The following ZYG11B variants were observed in gnomAD, a reference collection of about 807,000 sequenced individuals.
ZYG11B encodes the protein zyg-11 family member B, cell cycle regulator.
Under a neutral mutation model 82.4 loss-of-function variants are expected in ZYG11B, and 36 were observed. That is an observed-to-expected ratio of 0.44 (90% CI 0.33 to 0.58). ZYG11B has a LOEUF of 0.58. ZYG11B is among the 20% of genes least tolerant of loss of function. The pLI is 0.02. For missense variants in ZYG11B, 552 were observed against 895.6 expected (o/e 0.62, Z 4.90); for synonymous variants, 303 against 312.8 (o/e 0.97, Z 0.33).
chr1:52,774,845 C>G (rs1435509668), intron 3 of ZYG11B, among the ~76,000 whole-genome samples: 1 of 152,038 alleles, frequency 6.6e-6, no homozygotes, highest in Non-Finnish European at 1.5e-5. Flanking sequence ...CCTGAACCTT[C>G]CATTTCTCCA....
chr1:52,738,488 C>T (rs1450862963), intron 1 of ZYG11B, among the ~76,000 whole-genome samples: 1 of 151,592 alleles, frequency 6.6e-6, no homozygotes, highest in Non-Finnish European at 1.5e-5. Context: ...GCCTTAATAG[C>T]TTTATATAAA....
intron 3 of ZYG11B, chr1:52,772,370 CTTAA>C (rs1644760223): frequency 6.5e-7 from 1 of 1,538,146 alleles, no homozygotes; most frequent in South Asian, 1.1e-5. Context: ...CAACTGCTTT[CTTAA>C]TTAAATGGTA....
chr1:52,777,400 A>G (rs1263578084), intron 3 of ZYG11B, among the ~76,000 whole-genome samples: 1 of 152,114 alleles, frequency 6.6e-6, no homozygotes, highest in Non-Finnish European at 1.5e-5. Flanking sequence ...ACCATGATAC[A>G]TCCCTTCATT....
chr1:52,797,133 T>TTTATATA (rs1211499448), intron 8 of ZYG11B, among the ~76,000 whole-genome samples: 3 of 74,298 alleles, frequency 4.0e-5, no homozygotes, highest in Non-Finnish European at 6.3e-5. Flanking sequence ...ATATTATATA[T>TTTATATA]TTATATATTA....
At chr1:52,803,245 CACACATATAT>C (rs1645107302) in intron 10 of ZYG11B, among the ~76,000 whole-genome samples, 2 of 62,012 alleles carry the variant, frequency 3.2e-5, no homozygotes, top group East Asian at 5.9e-4. Flanking sequence ...TATATACACA[CACACATATAT>C]ATATATATAT....
intron 1 of ZYG11B, among the ~76,000 whole-genome samples, chr1:52,729,025 C>G (rs976651730): frequency 6.6e-6 from 1 of 152,104 alleles, no homozygotes; most frequent in African/African-American, 2.4e-5. Context: ...AACAAAATAC[C>G]ATAAACTAGG....
intron 10 of ZYG11B, among the ~76,000 whole-genome samples, chr1:52,803,444 A>G (rs1454558989): frequency 1.1e-3 from 44 of 40,148 alleles, no homozygotes; most frequent in African/African-American, 5.7e-3. Flanking sequence ...TCTCAAAAGA[A>G]AAAAAAAAAA....
At chr1:52,772,517 G>A in intron 3 of ZYG11B, 2 of 1,607,832 alleles carry the variant, frequency 1.2e-6, no homozygotes, top group Non-Finnish European at 1.7e-6. Context: ...AAGGAGTAAG[G>A]CCCTTCTTGG....
At chr1:52,787,210 G>GCAGT (rs1644920463) in intron 5 of ZYG11B, among the ~76,000 whole-genome samples, 1 of 152,134 alleles carries the variant, frequency 6.6e-6, no homozygotes, top group South Asian at 2.1e-4. Context: ...ATACTTAGAA[G>GCAGT]CAGTGAATGA....
intron 1 of ZYG11B, among the ~76,000 whole-genome samples, chr1:52,748,012 A>G (rs1644490647): frequency 6.6e-6 from 1 of 152,212 alleles, no homozygotes; most frequent in African/African-American, 2.4e-5. Context: ...TATAGCACAT[A>G]GCATATATTA....
At chr1:52,742,051 G>GA (rs1027276992) in intron 1 of ZYG11B, among the ~76,000 whole-genome samples, 2 of 152,106 alleles carry the variant, frequency 1.3e-5, no homozygotes, top group African/African-American at 4.8e-5. Flanking sequence ...CCAATCTTTA[G>GA]AAAAAAGTCA....
At chr1:52,767,247 GTTATT>G (rs1325476686) in intron 2 of ZYG11B, among the ~76,000 whole-genome samples, 1 of 148,266 alleles carries the variant, frequency 6.7e-6, no homozygotes, top group African/African-American at 2.5e-5. Flanking sequence ...ATTTTATGTT[GTTATT>G]TTATGTTATT....
intron 3 of ZYG11B, among the ~76,000 whole-genome samples, chr1:52,778,262 A>G (rs1408681913): frequency 6.6e-6 from 1 of 152,082 alleles, no homozygotes; most frequent in African/African-American, 2.4e-5. Context: ...TTGGATTTGT[A>G]GAGTTTCCCT....
At chr1:52,728,411 C>T (rs1644302672) in intron 1 of ZYG11B, among the ~76,000 whole-genome samples, 1 of 152,142 alleles carries the variant, frequency 6.6e-6, no homozygotes, top group Non-Finnish European at 1.5e-5. Context: ...CACGGACTAC[C>T]GTGCCCCGCT....
intron 4 of ZYG11B, 67 bp from the exon 5 acceptor site, chr1:52,784,810 A>G: frequency 1.3e-6 from 2 of 1,511,098 alleles, no homozygotes; most frequent in Non-Finnish European, 1.8e-6. Context: ...CCAACAAAAT[A>G]ATTCTGCTCT....
At chr1:52,804,630 A>G (rs550697825) in intron 10 of ZYG11B, among the ~76,000 whole-genome samples, 1 of 151,988 alleles carries the variant, frequency 6.6e-6, no homozygotes, top group Admixed American at 6.6e-5. Flanking sequence ...AACAAAAAAC[A>G]AAAGCCTGCT....
intron 3 of ZYG11B, among the ~76,000 whole-genome samples, chr1:52,776,229 A>AAATATATATATATATATAT: frequency 1.7e-4 from 4 of 23,542 alleles, no homozygotes; most frequent in Non-Finnish European, 4.6e-4. Flanking sequence ...TAAAAAAAAA[A>AAATATATATATATATATAT]ATATATATAT....
intron 10 of ZYG11B, among the ~76,000 whole-genome samples, chr1:52,810,639 T>G (rs1173642782): frequency 1.3e-5 from 2 of 152,222 alleles, no homozygotes; most frequent in African/African-American, 2.4e-5. Context: ...GAACTGTTTT[T>G]CCATATTTAT....
chr1:52,732,731 C>T (rs923789071), intron 1 of ZYG11B, among the ~76,000 whole-genome samples: 11 of 151,964 alleles, frequency 7.2e-5, no homozygotes, highest in African/African-American at 2.7e-4. Context: ...TGCCACTGCA[C>T]TCCAGCCTGG....
Sources: gnomAD v4.1 joint callset for allele counts (sites outside exome capture counted in the v4.1 genomes callset) on GRCh38, gnomAD v4.1.1 for gene constraint, MANE v1.5 for transcripts, NCBI Gene and HGNC (gene_info 2026-07-23, HGNC 2026-07-21) for gene names.